The following CHODL variants were observed in gnomAD, a reference collection of about 807,000 sequenced individuals.
CHODL encodes the protein transmembrane protein MT75.
CHODL carries 29 observed loss-of-function variants against 34.5 expected under a neutral mutation model. That is an observed-to-expected ratio of 0.84 (90% CI 0.63 to 1.15). The LOEUF (loss-of-function observed/expected upper bound fraction) is 1.15, where lower values mean the gene tolerates loss of function less well. Among genes scored for constraint, CHODL ranks in the 50% most tolerant of loss-of-function variants. The pLI is 0.00. For synonymous variants in CHODL, 125 were observed against 116.1 expected (o/e 1.08, Z -0.49); for missense variants, 332 against 332.5 (o/e 1.00, Z 0.01).
At chr21:17,959,086 G>T (rs1030255835) in intron 1 of CHODL, among the ~76,000 whole-genome samples, 2 of 152,054 alleles carry the variant, frequency 1.3e-5, no homozygotes, top group Non-Finnish European at 2.9e-5. Flanking sequence ...GAAAAAGGGA[G>T]ATTTTTTAGA....
intron 2 of CHODL, among the ~76,000 whole-genome samples, chr21:18,083,010 G>A (rs950233340): frequency 6.6e-6 from 1 of 152,104 alleles, no homozygotes; most frequent in African/African-American, 2.4e-5. Context: ...TAATTGCCAA[G>A]ACAATGGAGA....
chr21:18,260,941 A>G (rs980184818), intron 4 of CHODL, among the ~76,000 whole-genome samples: 2 of 152,194 alleles, frequency 1.3e-5, no homozygotes. Flanking sequence ...TGGCACATTC[A>G]GTGGAGAGCA....
At chr21:18,148,571 T>C (rs980906413) in intron 2 of CHODL, among the ~76,000 whole-genome samples, 1 of 152,150 alleles carries the variant, frequency 6.6e-6, no homozygotes, top group African/African-American at 2.4e-5. Flanking sequence ...ACAACCCATA[T>C]TGAGTCATTT....
chr21:18,005,813 A>G (rs2063955081), intron 1 of CHODL, among the ~76,000 whole-genome samples: 1 of 152,096 alleles, frequency 6.6e-6, no homozygotes, highest in Non-Finnish European at 1.5e-5. Flanking sequence ...GGGAAACAGC[A>G]CACACTGGGG....
At chr21:18,082,764 T>C (rs1240760885) in intron 2 of CHODL, among the ~76,000 whole-genome samples, 1 of 152,166 alleles carries the variant, frequency 6.6e-6, no homozygotes, top group African/African-American at 2.4e-5. Context: ...AGAAGAAATT[T>C]CGAAGTGGCA....
intron 1 of CHODL, among the ~76,000 whole-genome samples, chr21:17,919,099 G>C (rs1405741348): frequency 2.0e-5 from 3 of 152,176 alleles, no homozygotes; most frequent in Non-Finnish European, 4.4e-5. Flanking sequence ...TGCCTTCATG[G>C]GCTGGTGTTG....
At chr21:17,952,194 CAAAAAA>C (rs58511535) in intron 1 of CHODL, among the ~76,000 whole-genome samples, 1 of 80,364 alleles carries the variant, frequency 1.2e-5, no homozygotes. Flanking sequence ...TACTATGTCT[CAAAAAA>C]AAAAAAAAAA....
chr21:18,120,819 C>A (rs1196030520), intron 2 of CHODL, among the ~76,000 whole-genome samples: 1 of 151,796 alleles, frequency 6.6e-6, no homozygotes, highest in African/African-American at 2.4e-5. Context: ...ATGTAGAAAA[C>A]CAAAAATCCT....
At chr21:18,255,212 G>A (rs1161646890) in intron 1 of CHODL, among the ~76,000 whole-genome samples, 2 of 151,928 alleles carry the variant, frequency 1.3e-5, no homozygotes, top group African/African-American at 2.4e-5. Flanking sequence ...TTAGATATTT[G>A]GTTGGTCCTA....
intron 2 of CHODL, among the ~76,000 whole-genome samples, chr21:18,122,773 G>A (rs781675393): frequency 6.6e-6 from 1 of 152,262 alleles, no homozygotes; most frequent in African/African-American, 2.4e-5. Context: ...AATAAATCCT[G>A]TAATCTTGAA....
chr21:18,040,109 T>A (rs1368172508), intron 2 of CHODL, among the ~76,000 whole-genome samples: 5 of 151,870 alleles, frequency 3.3e-5, no homozygotes, highest in Non-Finnish European at 7.4e-5. Context: ...TTGAGTCTTA[T>A]AATTTATTTG....
intron 2 of CHODL, among the ~76,000 whole-genome samples, chr21:18,048,237 TA>T: frequency 6.6e-6 from 1 of 152,088 alleles, no homozygotes; most frequent in East Asian, 1.9e-4. Flanking sequence ...TTTGTTTCCC[TA>T]AAACTTAAAG....
At chr21:18,033,910 CA>C (rs2064277959) in intron 2 of CHODL, among the ~76,000 whole-genome samples, 1 of 151,824 alleles carries the variant, frequency 6.6e-6, no homozygotes, top group Admixed American at 6.6e-5. Context: ...TATATTCTCA[CA>C]AAAATACTTT....
At chr21:18,213,767 G>T (rs1287048923) in intron 2 of CHODL, among the ~76,000 whole-genome samples, 1 of 152,024 alleles carries the variant, frequency 6.6e-6, no homozygotes, top group South Asian at 2.1e-4. Flanking sequence ...AAGTATAGGG[G>T]TTTTTATCTA....
At chr21:18,114,666 C>A (rs2065391328) in intron 2 of CHODL, 1 of 152,290 alleles carries the variant, frequency 6.6e-6, no homozygotes, top group Admixed American at 6.5e-5. Flanking sequence ...GACCTCCTGA[C>A]CTCAGGTGAT....
intron 1 of CHODL, among the ~76,000 whole-genome samples, chr21:17,945,664 G>T (rs2063401371): frequency 6.6e-6 from 1 of 152,144 alleles, no homozygotes; most frequent in African/African-American, 2.4e-5. Context: ...AACAAAGAGA[G>T]AAAGGGCCAG....
upstream of CHODL, among the ~76,000 whole-genome samples, chr21:18,242,791 G>C (rs1391593086): frequency 6.6e-6 from 1 of 152,078 alleles, no homozygotes; most frequent in Non-Finnish European, 1.5e-5. Context: ...ACATATTGAG[G>C]ATACAGTTAT....
intron 2 of CHODL, among the ~76,000 whole-genome samples, chr21:18,191,569 G>A (rs2073510798): frequency 6.6e-6 from 1 of 152,106 alleles, no homozygotes. Context: ...GTATCTTTTT[G>A]TAGAACCTAT....
intron 2 of CHODL, among the ~76,000 whole-genome samples, chr21:18,129,646 C>G (rs1452484525): frequency 6.6e-6 from 1 of 152,120 alleles, no homozygotes; most frequent in Non-Finnish European, 1.5e-5. Flanking sequence ...AACAGATCCT[C>G]AACTAAAGCA....
Sources: gnomAD v4.1 joint callset for allele counts (sites outside exome capture counted in the v4.1 genomes callset) on GRCh38, gnomAD v4.1.1 for gene constraint, MANE v1.5 for transcripts, NCBI Gene and HGNC (gene_info 2026-07-23, HGNC 2026-07-21) for gene names.